CDCP2: variants seen among roughly 807,000 people sequenced by gnomAD.
CDCP2 encodes CUB domain containing protein 2.
CDCP2 carries 31 observed loss-of-function variants against 31.0 expected under a neutral mutation model. The observed-to-expected ratio is 1.00, with a 90% CI of 0.75 to 1.35. CDCP2 has a LOEUF of 1.35. Among genes scored for constraint, CDCP2 ranks in the 40% most tolerant of loss-of-function variants. The pLI is 0.00. For synonymous variants in CDCP2, 206 were observed against 207.9 expected (o/e 0.99, Z 0.08); for missense variants, 443 against 482.6 (o/e 0.92, Z 0.77).
At chr1:54,147,133 C>T (rs905658043) in intron 1 of CDCP2, among the ~76,000 whole-genome samples, 1 of 147,940 alleles carries the variant, frequency 6.8e-6, no homozygotes, top group Non-Finnish European at 1.5e-5. Flanking sequence ...AAATGGCTTC[C>T]ACTGGCTAAA....
chr1:54,148,196 A>AT lies in CDCP2; in HGVS notation c.80-3384dup, dbSNP rs891184615. On this transcript the variant is annotated intron_variant, in intron 1 of 5. Coordinates refer to ENST00000530059, the Ensembl canonical transcript of CDCP2. Reference sequence around the variant, plus strand: ...TCTTTCAACTTTGCTAAATGTTTGAATTTTTTTTTACTGGTCAAATAAGCC... The same window carrying AT: ...TCTTTCAACTTTGCTAAATGTTTGAATTTTTTTTTTACTGGTCAAATAAGCC... 1.5e-4 allele frequency among the ~76,000 whole-genome samples: 22 copies of AT among 150,462 alleles called. 1 individual carries two copies. Among genetic ancestry groups the AT allele is most frequent in the African/African-American group, 2.7e-4 (11 of 40,666 alleles).
intron 1 of CDCP2, among the ~76,000 whole-genome samples, chr1:54,148,134 A>C (rs981495485): frequency 6.6e-6 from 1 of 151,938 alleles, no homozygotes; most frequent in African/African-American, 2.4e-5. Flanking sequence ...ATGAAAGGTA[A>C]AACATGATTT....
chr1:54,144,454 C>T lies in CDCP2; in HGVS notation c.427+12G>A, dbSNP rs781116864. On this transcript the variant is annotated intron_variant, in intron 2 of 5. Transcript: ENST00000530059. Reference sequence around the variant, plus strand: ...GAGCCACTGCAACAGGTCCCTAAGGCCCCCCGTTGACCTTTCTGGTAGCCC... The same window carrying T: ...GAGCCACTGCAACAGGTCCCTAAGGTCCCCCGTTGACCTTTCTGGTAGCCC... The T allele has an allele frequency of 6.4e-7, 1 of 1,554,700 alleles. No homozygotes were observed. Among genetic ancestry groups the T allele is most frequent in the Non-Finnish European group, 8.7e-7 (1 of 1,147,720 alleles).
intron 4 of CDCP2, chr1:54,139,253 G>A (rs1659310751): frequency 2.2e-6 from 1 of 458,744 alleles, no homozygotes; most frequent in East Asian, 4.3e-5. Flanking sequence ...TTGGAACAGT[G>A]TTGAGCCCCT....
intron 5 of CDCP2, among the ~76,000 whole-genome samples, chr1:54,133,897 A>AAAACAAACAAACAAACAAAC (rs1390294285): frequency 1.8e-4 from 6 of 33,366 alleles, no homozygotes; most frequent in South Asian, 2.1e-3. Context: ...CTCCATCTCA[A>AAAACAAACAAACAAACAAAC]AAACAAACAA....
chr1:54,133,835 GC>G (rs968767137), intron 5 of CDCP2, among the ~76,000 whole-genome samples: 2 of 151,136 alleles, frequency 1.3e-5, no homozygotes, highest in African/African-American at 4.9e-5. Flanking sequence ...GGTGGAGCTT[GC>G]AGTGAGCTGA....
At chr1:54,151,770 G>A (rs891320833) in intron 1 of CDCP2, among the ~76,000 whole-genome samples, 17 of 152,170 alleles carry the variant, frequency 1.1e-4, no homozygotes, top group Non-Finnish European at 2.4e-4. Context: ...GAAGGCCAGA[G>A]CAGCACAAAA....
At chr1:54,151,769 A>G (rs1258175220) in intron 1 of CDCP2, among the ~76,000 whole-genome samples, 2 of 152,176 alleles carry the variant, frequency 1.3e-5, no homozygotes, top group African/African-American at 4.8e-5. Context: ...GGAAGGCCAG[A>G]GCAGCACAAA....
intron 4 of CDCP2, among the ~76,000 whole-genome samples, chr1:54,137,086 G>A (rs572946097): frequency 6.6e-6 from 1 of 152,248 alleles, no homozygotes; most frequent in Non-Finnish European, 1.5e-5. Flanking sequence ...CCCAGTGAAT[G>A]CTGAGTGAAT....
Position 54,149,955 on chromosome 1 carries a change from AT to A in CDCP2, c.79+2888del, listed in dbSNP as rs541138616. On this transcript the variant is annotated intron_variant, in intron 1 of 5. Coordinates refer to ENST00000530059, the Ensembl canonical transcript of CDCP2. Reference sequence around the variant, plus strand: ...AAGTCACTTGTTGTAGTGAACATCTATTGCTTTGGGTCTGCCCAATACCACT... The same window carrying A: ...AAGTCACTTGTTGTAGTGAACATCTATGCTTTGGGTCTGCCCAATACCACT... Among the ~76,000 whole-genome samples, 11 of 152,350 alleles carry A rather than the reference AT, an allele frequency of 7.2e-5. No individual in the cohort carries two copies. The South Asian group carries it at 2.3e-3, about 32-fold the overall frequency.
intron 4 of CDCP2, chr1:54,137,845 G>A (rs996366081): frequency 2.6e-5 from 4 of 152,178 alleles, no homozygotes; most frequent in Non-Finnish European, 5.9e-5. Flanking sequence ...AGCCTCTGGT[G>A]TCTGGGCAGT....
At chr1:54,136,105 T>C (rs1053933500) in intron 5 of CDCP2, among the ~76,000 whole-genome samples, 1 of 152,196 alleles carries the variant, frequency 6.6e-6, no homozygotes, top group African/African-American at 2.4e-5. Flanking sequence ...GAGGGAATCC[T>C]GTGCCTTGAA....
exon 3 of CDCP2, chr1:54,141,215 G>T: frequency 6.2e-7 from 1 of 1,612,608 alleles, no homozygotes; most frequent in Non-Finnish European, 8.5e-7. Context: ...CCACAGTAGT[G>T]GTGCCCACGG....
chr1:54,149,253 G>T (rs1335580753), intron 1 of CDCP2, among the ~76,000 whole-genome samples: 2 of 151,526 alleles, frequency 1.3e-5, no homozygotes, highest in Non-Finnish European at 2.9e-5. Flanking sequence ...TTTAAATTAA[G>T]CACTTATTAT....
chr1:54,141,652 A>T, intron 2 of CDCP2: 1 of 513,198 alleles, frequency 1.9e-6, no homozygotes, highest in Non-Finnish European at 3.4e-6. Flanking sequence ...GAGTAGCCGC[A>T]CAAGGACTGT....
chr1:54,139,650 G>GGT (rs1553173747), intron 4 of CDCP2, 103 bp downstream of exon 4: 16 of 1,613,544 alleles, frequency 9.9e-6, no homozygotes, highest in Admixed American at 3.3e-5. Context: ...ATTCATGGGG[G>GGT]GGGCAGGACA....
chr1:54,135,578 G>A (rs1001264396), intron 5 of CDCP2, among the ~76,000 whole-genome samples: 2 of 152,158 alleles, frequency 1.3e-5, no homozygotes, highest in Admixed American at 1.3e-4. Context: ...AGGATTTCCT[G>A]AGTCCCTGCT....
intron 1 of CDCP2, among the ~76,000 whole-genome samples, chr1:54,150,112 TC>T (rs1243392757): frequency 6.6e-6 from 1 of 151,850 alleles, no homozygotes; most frequent in Non-Finnish European, 1.5e-5. Context: ...GTCTTGGGGC[TC>T]CCACCACCAC....
At chr1:54,135,270 C>T (rs1245375187) in intron 5 of CDCP2, among the ~76,000 whole-genome samples, 2 of 152,132 alleles carry the variant, frequency 1.3e-5, no homozygotes, top group African/African-American at 4.8e-5. Flanking sequence ...TTGCTGATGG[C>T]TGTGGAGGGA....
Sources: allele counts gnomAD v4.1 joint callset (sites outside exome capture counted in the v4.1 genomes callset), GRCh38; gene constraint gnomAD v4.1.1; transcripts MANE v1.5; gene names NCBI Gene and HGNC (gene_info 2026-07-23, HGNC 2026-07-21).